Variants in RBFOX1 observed in about 807,000 individuals in gnomAD.
The protein encoded by RBFOX1 is RNA binding fox-1 homolog 1.
A neutral mutation model predicts 57.7 loss-of-function variants in RBFOX1; 8 were observed. That is an observed-to-expected ratio of 0.14 (90% CI 0.08 to 0.25). RBFOX1 has a LOEUF of 0.25. RBFOX1 is among the 10% of genes least tolerant of loss of function. RBFOX1 has a pLI of 1.00. For missense variants in RBFOX1, 611 were observed against 548.5 expected (o/e 1.11, Z -1.14); for synonymous variants, 326 against 222.4 (o/e 1.47, Z -4.15).
intron 1 of RBFOX1, among the ~76,000 whole-genome samples, chr16:6,105,516 G>T (rs1402571201): frequency 6.6e-6 from 1 of 152,148 alleles, no homozygotes; most frequent in East Asian, 1.9e-4. Context: ...TGCAAGCAAA[G>T]CAAAGACAAT....
At chr16:6,184,550 A>G (rs185128613) in intron 1 of RBFOX1, among the ~76,000 whole-genome samples, 3 of 151,968 alleles carry the variant, frequency 2.0e-5, no homozygotes, top group Admixed American at 6.6e-5. Context: ...AGTGTTTACT[A>G]TGGGAATTTT....
At chr16:7,317,809 A>G (rs1287172056) in intron 4 of RBFOX1, among the ~76,000 whole-genome samples, 2 of 152,194 alleles carry the variant, frequency 1.3e-5, no homozygotes, top group Non-Finnish European at 2.9e-5. Flanking sequence ...CTGCAGTTTC[A>G]TTTCTACATT....
intron 4 of RBFOX1, among the ~76,000 whole-genome samples, chr16:7,429,275 C>T (rs1035200145): frequency 3.3e-5 from 5 of 152,210 alleles, no homozygotes; most frequent in African/African-American, 1.2e-4. Context: ...ATGCTGGCTT[C>T]TTCCTCCTGC....
rs537043597 is a variant in RBFOX1 at position 5,893,169 on chromosome 16, C to G, written c.351+25834C>G. 2.0e-5 allele frequency among the ~76,000 whole-genome samples: 3 copies of G among 152,328 alleles called. No homozygotes were observed. In the South Asian group the frequency reaches 6.2e-4, roughly 32 times the overall value. On this transcript the variant is annotated intron_variant, in intron 4 of 19. Coordinates refer to the RBFOX1 transcript ENST00000641259. ...ATTCTAAATTACTTACCGTGGAATT[C>G]AGCTGATGCTCCAGAAGTATGCTCC...
chr16:7,367,532 C>A (rs1352191946), intron 4 of RBFOX1, among the ~76,000 whole-genome samples: 2 of 152,210 alleles, frequency 1.3e-5, no homozygotes, highest in Non-Finnish European at 2.9e-5. Context: ...TGAAACATCT[C>A]TTCCAGGTTT....
At chr16:5,373,631 A>C (rs996111152) in intron 1 of RBFOX1, among the ~76,000 whole-genome samples, 3 of 151,136 alleles carry the variant, frequency 2.0e-5, no homozygotes, top group African/African-American at 4.9e-5. Context: ...TTCAGATGGA[A>C]TCTCTCTCTG....
At chr16:7,348,993 C>T (rs1242396768) in intron 4 of RBFOX1, among the ~76,000 whole-genome samples, 1 of 152,016 alleles carries the variant, frequency 6.6e-6, no homozygotes, top group Non-Finnish European at 1.5e-5. Context: ...TCCAGTCAAC[C>T]GGGTGAGTAG....
chr16:6,642,207 A>G (rs1408056471), intron 2 of RBFOX1, among the ~76,000 whole-genome samples: 2 of 152,208 alleles, frequency 1.3e-5, no homozygotes, highest in Non-Finnish European at 2.9e-5. Flanking sequence ...TGTATTTTTC[A>G]GCACACAAAC....
chr16:5,367,057 G>A lies in RBFOX1; in HGVS notation c.220-100159G>A, dbSNP rs535242085. Among the ~76,000 whole-genome samples, 3 of 152,130 alleles carry A rather than the reference G, an allele frequency of 2.0e-5. No homozygotes were observed. In the East Asian group the frequency reaches 5.8e-4, roughly 29 times the overall value. On this transcript the variant is annotated intron_variant, in intron 1 of 2. Transcript: ENST00000585867. ...AAAACAAAGATGGTATGACATAGGT[G>A]GTTTTCTCAATTTTTAAAATTTATT...
Position 7,518,256 on chromosome 16 carries a change from C to A in RBFOX1, c.137C>A (p.Pro46His), listed in dbSNP as rs113298071. ...CCCGCGGAATACACGGCCCCTCATC[C>A]CCACCCCGCGCCAGAGTACACAGGC... ...GIPAEYTAPH[P>H]HPAPEYTGQT... Residue 46 changes from proline to histidine, a missense_variant, in exon 5 of 16, where the codon CCC (proline) becomes CAC (histidine). Around this residue, in one of 3 missense-constraint regions of RBFOX1, gnomAD observed 245 missense variants for 159.1 expected, o/e 1.54. Coordinates refer to ENST00000550418, the MANE Select transcript of RBFOX1 (RefSeq NM_018723.4). 5.7e-4 allele frequency: 916 copies of A among 1,614,146 alleles called. 9 individuals carry two copies. In the African/African-American group the frequency reaches 0.011, roughly 19 times the overall value.
At chr16:7,139,083 C>A (rs1019375051) in intron 4 of RBFOX1, among the ~76,000 whole-genome samples, 2 of 152,096 alleles carry the variant, frequency 1.3e-5, no homozygotes, top group African/African-American at 4.8e-5. Flanking sequence ...GGATTACAGG[C>A]ATGAGCCACC....
intron 2 of RBFOX1, among the ~76,000 whole-genome samples, chr16:6,597,399 C>G (rs144109809): frequency 3.9e-5 from 6 of 152,140 alleles, no homozygotes; most frequent in South Asian, 2.1e-4. Context: ...CCCAACCAGG[C>G]GCGGTGGCTC....
intron 4 of RBFOX1, among the ~76,000 whole-genome samples, chr16:7,295,538 C>A (rs985143262): frequency 2.0e-5 from 3 of 152,030 alleles, no homozygotes; most frequent in Admixed American, 6.6e-5. Flanking sequence ...CATTATTCTC[C>A]TTAGAATGAA....
chr16:6,466,562 GACCATTGGAGACACCCTCT>G (rs1206127582), intron 2 of RBFOX1, among the ~76,000 whole-genome samples: 1 of 152,120 alleles, frequency 6.6e-6, no homozygotes, highest in East Asian at 1.9e-4. Context: ...GCTGGGTTAA[GACCATTGGAGACACCCTCT>G]CTCCTCTGTC....
At chr16:7,127,096 C>A (rs889836650) in intron 4 of RBFOX1, among the ~76,000 whole-genome samples, 1 of 150,822 alleles carries the variant, frequency 6.6e-6, no homozygotes, top group Non-Finnish European at 1.5e-5. Flanking sequence ...ACAGCTATGA[C>A]TGAGGGGAGC....
intron 2 of RBFOX1, among the ~76,000 whole-genome samples, chr16:5,480,388 A>G (rs2069488894): frequency 6.6e-6 from 1 of 152,118 alleles, no homozygotes. Context: ...TTAAAAAAAA[A>G]AACCCAACAA....
intron 3 of RBFOX1, among the ~76,000 whole-genome samples, chr16:5,814,018 A>G (rs2055530575): frequency 6.6e-6 from 1 of 152,240 alleles, no homozygotes; most frequent in African/African-American, 2.4e-5. Flanking sequence ...ATTTTAAGCA[A>G]TTAGGATAGT....
chr16:6,403,946 C>G (rs548992437), intron 2 of RBFOX1, among the ~76,000 whole-genome samples: 2 of 152,234 alleles, frequency 1.3e-5, no homozygotes, highest in South Asian at 2.1e-4. Context: ...AGGTGGCTGT[C>G]TGTAAGCCAG....
At chr16:6,839,815 C>A (rs888592782) in intron 3 of RBFOX1, among the ~76,000 whole-genome samples, 1 of 152,182 alleles carries the variant, frequency 6.6e-6, no homozygotes, top group Admixed American at 6.5e-5. Flanking sequence ...CATAGCACTT[C>A]GTGTACTCAT....
Sources: gnomAD v4.1 joint callset for allele counts (sites outside exome capture counted in the v4.1 genomes callset) on GRCh38, gnomAD v4.1.1 for gene constraint, gnomAD v4.1.1 regional missense constraint, MANE v1.5 for transcripts, NCBI Gene and HGNC (gene_info 2026-07-23, HGNC 2026-07-21) for gene names.